The following PTPRN variants were observed in gnomAD, a reference collection of about 807,000 sequenced individuals.
PTPRN encodes receptor-type tyrosine-protein phosphatase-like N.
PTPRN carries 70 observed loss-of-function variants against 108.5 expected under a neutral mutation model. The ratio of observed to expected loss-of-function variants is 0.65; its 90% CI spans 0.53 to 0.79. PTPRN has a LOEUF of 0.79. Among genes scored for constraint, PTPRN ranks in the 30% least tolerant of loss-of-function variants. The pLI, the probability that PTPRN is intolerant of heterozygous loss-of-function variation, is 0.00. For missense variants in PTPRN, 1,136 were observed against 1,295.5 expected (o/e 0.88, Z 1.89); for synonymous variants, 496 against 524.6 (o/e 0.95, Z 0.75).
At position 219,296,406 on chromosome 2, in the gene PTPRN, G is replaced by A. The variant is rs945142602; in HGVS notation, c.2388+33C>T. On this transcript the variant is annotated intron_variant, in intron 17 of 22. Coordinates refer to ENST00000295718, the MANE Select transcript of PTPRN (RefSeq NM_002846.4). This position sits in a 1 kb window ranked among gnomAD's most constrained non-coding sequence, Gnocchi z 6.0. ...CTCCCTGGGACCTCGTGGCCACAAG[G>A]ACCCCAGCGAAGCCCTCCCTTTAAG... is the stretch of plus-strand genomic sequence containing the variant. 1.6e-5 allele frequency: 26 copies of A among 1,614,076 alleles called. No individual in the cohort carries two copies. The highest frequency in any genetic ancestry group is 1.9e-5 in the Non-Finnish European group (23 of 1,179,944).
At chr2:219,305,914 C>T (rs1024121323) in intron 3 of PTPRN, among the ~76,000 whole-genome samples, 1 of 152,194 alleles carries the variant, frequency 6.6e-6, no homozygotes, top group Non-Finnish European at 1.5e-5. Context: ...CTTTGGGAGG[C>T]CCAGGCAGAT....
At chr2:219,294,909 C>A (rs1318431460) in intron 19 of PTPRN, 66 bp downstream of exon 19, 2 of 1,361,564 alleles carry the variant, frequency 1.5e-6, no homozygotes, top group Admixed American at 3.9e-5. Context: ...CCAGGCCGAG[C>A]GGCGGGCGGA....
chr2:219,295,415 C>T (rs1461236746), intron 18 of PTPRN: 1 of 387,650 alleles, frequency 2.6e-6, no homozygotes, highest in Non-Finnish European at 4.6e-6. Flanking sequence ...ACCAGAGTAT[C>T]GGTGCTACAC....
intron 1 of PTPRN, 39 bp downstream of exon 1, chr2:219,309,179 C>A: frequency 7.2e-7 from 1 of 1,380,116 alleles, no homozygotes; most frequent in South Asian, 1.2e-5. Flanking sequence ...AAGCTGCTCC[C>A]CGCCCCCCAC....
At chr2:219,304,519 A>G (rs1170158105) in intron 3 of PTPRN, among the ~76,000 whole-genome samples, 1 of 152,212 alleles carries the variant, frequency 6.6e-6, no homozygotes, top group Non-Finnish European at 1.5e-5. Context: ...AGGAAAGTTC[A>G]GTCACTTATT....
chr2:219,290,294 G>C lies in PTPRN; in HGVS notation c.2872C>G (p.Gln958Glu), dbSNP rs926494874. Residue 958 changes from glutamine to glutamate, a missense_variant, in exon 23 of 23, where the codon CAG becomes GAG. Transcript: ENST00000295718. The surrounding 1 kb of genome is among the most constrained non-coding windows in gnomAD (Gnocchi z 4.2). ...ACGGCTGTCAGGGCAAATTCAAACT[G>C]GTCCTGAGGAAGGGCAGTGGTAGGA... is the stretch of plus-strand genomic sequence containing the variant. Reference protein sequence around the residue: ...QRPGLVRSKDQFEFALTAVAE... With the variant: ...QRPGLVRSKDEFEFALTAVAE... The C allele has an allele frequency of 1.2e-6, 2 of 1,613,494 alleles. No homozygotes were observed. Among genetic ancestry groups the C allele is most frequent in the African/African-American group, 1.3e-5 (1 of 74,858 alleles).
intron 8 of PTPRN, 105 bp downstream of exon 8, chr2:219,300,838 G>T: frequency 7.6e-7 from 1 of 1,307,416 alleles, no homozygotes; most frequent in Non-Finnish European, 1.1e-6. Context: ...CCAAAATGAG[G>T]GGTGGGAGGA....
intron 4 of PTPRN, 29 bp downstream of exon 4, chr2:219,303,706 T>C: frequency 6.3e-7 from 1 of 1,579,964 alleles, no homozygotes; most frequent in South Asian, 1.1e-5. Context: ...GCCTCACCAT[T>C]GCTAGAGTTG....
At chr2:219,301,521 C>G in intron 7 of PTPRN, 67 bp downstream of exon 7, 1 of 1,547,432 alleles carries the variant, frequency 6.5e-7, no homozygotes, top group Non-Finnish European at 8.8e-7. Flanking sequence ...CAAGTGGTCT[C>G]GAGGCAGGGC....
chr2:219,309,049 G>T, intron 1 of PTPRN, 169 bp downstream of exon 1: 3 of 1,429,586 alleles, frequency 2.1e-6, no homozygotes, highest in South Asian at 2.6e-5. Flanking sequence ...CCAGGCCTAC[G>T]CCCCTTTCCT....
In PTPRN at chr2:219,296,923, A is replaced by G; in HGVS notation, c.2236+62T>C. The G allele has an allele frequency of 6.2e-7, 1 of 1,612,074 alleles. No individual in the cohort carries two copies. Among genetic ancestry groups the G allele is most frequent in the Non-Finnish European group, 8.5e-7 (1 of 1,178,656 alleles). ...GCCAGAAGCCCAACCCCTTACCCCAAGCCCTCCAGACCTCGCAGCAGAGAG... is the reference window on the plus strand; with the variant it reads ...GCCAGAAGCCCAACCCCTTACCCCAGGCCCTCCAGACCTCGCAGCAGAGAG... On this transcript the variant is annotated intron_variant, in intron 15 of 22. Coordinates refer to ENST00000295718, the MANE Select transcript of PTPRN (RefSeq NM_002846.4). This position sits in a 1 kb window ranked among gnomAD's most constrained non-coding sequence, Gnocchi z 6.0.
chr2:219,294,567 G>C (rs914783368), intron 19 of PTPRN, among the ~76,000 whole-genome samples: 11 of 144,962 alleles, frequency 7.6e-5, no homozygotes, highest in African/African-American at 1.1e-4. Flanking sequence ...AGAGACGGAG[G>C]GGGCAGCAAG....
intron 1 of PTPRN, chr2:219,308,873 T>G: frequency 7.5e-7 from 1 of 1,335,298 alleles, no homozygotes; most frequent in Non-Finnish European, 9.9e-7. Flanking sequence ...CCTCAGCGCC[T>G]GTCACCACCT....
rs751370495 is a variant in PTPRN, at chr2:219,296,998, A to G, written c.2223T>C (p.Pro741=). Residue 741 remains proline, a synonymous_variant, in exon 15 of 23, where the codon CCT becomes CCC. Transcript: ENST00000295718. This position sits in a 1 kb window ranked among gnomAD's most constrained non-coding sequence, Gnocchi z 6.0. ...GEGNIKKNRH[P]DFLPYDHARI... ...GGGTTCACTCACAGGGCAGGAAGTC[A>G]GGATGCCGGTTCTTTTTGATGTTGC... The G allele has an allele frequency of 4.3e-6, 7 of 1,613,836 alleles. No individual in the cohort carries two copies. The highest frequency in any genetic ancestry group is 1.1e-5 in the South Asian group (1 of 91,076).
intron 18 of PTPRN, 49 bp from the exon 19 acceptor site, chr2:219,295,190 C>T (rs370594866): frequency 6.3e-7 from 1 of 1,579,448 alleles, no homozygotes; most frequent in Non-Finnish European, 8.6e-7. Context: ...CCCCAGTCCC[C>T]GCGTTGCGCG....
Position 219,297,889 on chromosome 2 carries a change from T to C in PTPRN, c.1883A>G (p.Tyr628Cys). ...TCAGCTTCTGGGGCTGCACACCTGG[T>C]ACTCAAAGGTAGTGTCACCATGGGC... ...EGAHGDTTFEYQDLCRQHMAT... is the reference protein window; with the variant it reads ...EGAHGDTTFECQDLCRQHMAT... The change falls in exon 13 of 23, where the codon TAC (tyrosine) becomes TGC (cysteine). Residue 628 changes from tyrosine (Y) to cysteine (C), a missense_variant. Coordinates refer to ENST00000295718, the MANE Select transcript of PTPRN (RefSeq NM_002846.4). This position sits in a 1 kb window ranked among gnomAD's most constrained non-coding sequence, Gnocchi z 6.0. The C allele has an allele frequency of 6.2e-7, 1 of 1,607,074 alleles. No individual in the cohort carries two copies. Among genetic ancestry groups the C allele is most frequent in the Non-Finnish European group, 8.5e-7 (1 of 1,177,786 alleles).
intron 12 of PTPRN, among the ~76,000 whole-genome samples, chr2:219,298,569 G>A (rs979892367): frequency 2.6e-5 from 4 of 152,182 alleles, no homozygotes; most frequent in African/African-American, 9.7e-5. Context: ...ATTTAGCCGG[G>A]TGTGGTGGCA....
Position 219,291,474 on chromosome 2 carries a change from A to G in PTPRN, c.2725T>C (p.Cys909Arg), listed in dbSNP as rs536833144. Residue 909 changes from cysteine to arginine, a missense_variant, in exon 20 of 23, where the codon TGC becomes CGC. Coordinates refer to ENST00000295718, the MANE Select transcript of PTPRN (RefSeq NM_002846.4). ...ATGAATCTCCTCTCCACCCACCTGC[A>G]GTGCACGATGATGGGGCAGGAGCGG... Reference protein sequence around the residue: ...RGRSCPIIVHCSDGAGRTGTY... With the variant: ...RGRSCPIIVHRSDGAGRTGTY... 4 of 1,613,958 alleles carry G rather than the reference A, an allele frequency of 2.5e-6. No individual in the cohort carries two copies. In the South Asian group the frequency reaches 4.4e-5, roughly 18 times the overall value.
At chr2:219,305,457 G>C (rs948407494) in intron 3 of PTPRN, among the ~76,000 whole-genome samples, 25 of 152,076 alleles carry the variant, frequency 1.6e-4, no homozygotes, top group African/African-American at 5.8e-4. Flanking sequence ...TGGTCAGGCT[G>C]GTCTCGAACT....
Sources: gnomAD v4.1 joint callset for allele counts (sites outside exome capture counted in the v4.1 genomes callset) on GRCh38, gnomAD v4.1.1 for gene constraint, Gnocchi (gnomAD v3.1) non-coding constraint, MANE v1.5 for transcripts, NCBI Gene and HGNC (gene_info 2026-07-23, HGNC 2026-07-21) for gene names.